The following RNF180 variants were observed in gnomAD, a reference collection of about 807,000 sequenced individuals.
The protein encoded by RNF180 is E3 ubiquitin-protein ligase RNF180.
Under a neutral mutation model 59.2 loss-of-function variants are expected in RNF180, and 38 were observed. The observed-to-expected ratio is 0.64, with a 90% CI of 0.50 to 0.84. RNF180 has a LOEUF of 0.84. RNF180 is among the 40% of genes least tolerant of loss of function. The pLI is 0.00. For synonymous variants in RNF180, 262 were observed against 240.3 expected (o/e 1.09, Z -0.84); for missense variants, 705 against 700.9 (o/e 1.01, Z -0.07).
chr5:64,363,816 G>A (rs1261435898), intron 7 of RNF180, among the ~76,000 whole-genome samples: 2 of 151,770 alleles, frequency 1.3e-5, no homozygotes, highest in African/African-American at 4.8e-5. Context: ...CTGGTTAGCT[G>A]TATTCCTGGG....
At chr5:64,175,748 T>C (rs1436486590) in intron 1 of RNF180, among the ~76,000 whole-genome samples, 1 of 152,178 alleles carries the variant, frequency 6.6e-6, no homozygotes, top group East Asian at 1.9e-4. Context: ...ACAGAATATC[T>C]TTCTATATAT....
At chr5:64,236,887 A>G (rs897737575) in intron 5 of RNF180, among the ~76,000 whole-genome samples, 2 of 152,210 alleles carry the variant, frequency 1.3e-5, no homozygotes, top group Non-Finnish European at 1.5e-5. Flanking sequence ...GGGTGTGCAG[A>G]AAAGAATTGA....
intron 1 of RNF180, among the ~76,000 whole-genome samples, chr5:64,174,205 C>A (rs1750106221): frequency 6.6e-6 from 1 of 152,094 alleles, no homozygotes; most frequent in Non-Finnish European, 1.5e-5. Context: ...TCCATTCATT[C>A]TTTGATGGAC....
chr5:64,308,604 G>A (rs1218446748), intron 5 of RNF180, among the ~76,000 whole-genome samples: 3 of 151,668 alleles, frequency 2.0e-5, no homozygotes, highest in African/African-American at 7.3e-5. Context: ...GTGGGAGTTG[G>A]TAGTGTTTCC....
intron 5 of RNF180, among the ~76,000 whole-genome samples, chr5:64,311,453 T>A (rs142225990): frequency 1.3e-5 from 2 of 151,760 alleles, no homozygotes; most frequent in African/African-American, 4.8e-5. Context: ...GGAAAAAAAA[T>A]AGATGGAGAT....
At chr5:64,313,816 A>G (rs1466979561) in intron 5 of RNF180, among the ~76,000 whole-genome samples, 2 of 151,902 alleles carry the variant, frequency 1.3e-5, no homozygotes, top group Admixed American at 1.3e-4. Context: ...ACTAGCATCT[A>G]TGATTTTTTA....
Position 64,190,412 on chromosome 5 carries a change from T to C in RNF180, c.1-10396T>C, listed in dbSNP as rs1003268410. On this transcript the variant is annotated intron_variant, in intron 1 of 7. Coordinates refer to ENST00000389100, the MANE Select transcript of RNF180 (RefSeq NM_001113561.2). ...AGGAATTTTGCCTCGTGATTAGTTA[T>C]ACCTTGAGTCTCATCCATACCTGAT... Among the ~76,000 whole-genome samples, 5 of 152,198 alleles carry C rather than the reference T, an allele frequency of 3.3e-5. No homozygotes were observed. In the East Asian group the frequency reaches 7.7e-4, roughly 23 times the overall value.
At chr5:64,268,500 GTGTA>G in intron 5 of RNF180, among the ~76,000 whole-genome samples, 1 of 152,164 alleles carries the variant, frequency 6.6e-6, no homozygotes, top group East Asian at 1.9e-4. Flanking sequence ...GAACCTACTT[GTGTA>G]TGTATGCTCT....
At chr5:64,254,454 G>T (rs1300910438) in intron 5 of RNF180, among the ~76,000 whole-genome samples, 2 of 152,014 alleles carry the variant, frequency 1.3e-5, no homozygotes, top group Non-Finnish European at 2.9e-5. Context: ...TTTATGCCTT[G>T]GGGAGATCAG....
intron 2 of RNF180, among the ~76,000 whole-genome samples, chr5:64,211,581 G>T (rs1481793529): frequency 6.6e-6 from 1 of 152,102 alleles, no homozygotes; most frequent in Non-Finnish European, 1.5e-5. Context: ...ATGCCAAGGA[G>T]GCCTGTTTTG....
intron 6 of RNF180, among the ~76,000 whole-genome samples, chr5:64,329,905 C>G (rs144860149): frequency 6.6e-6 from 1 of 152,320 alleles, no homozygotes; most frequent in Non-Finnish European, 1.5e-5. Flanking sequence ...CTGTGTGGCC[C>G]AGTTCCTAAC....
chr5:64,269,482 A>C (rs1580150593), intron 5 of RNF180, among the ~76,000 whole-genome samples: 1 of 152,170 alleles, frequency 6.6e-6, no homozygotes, highest in East Asian at 1.9e-4. Flanking sequence ...CTCATAGAAT[A>C]CTACCGTCTC....
intron 5 of RNF180, among the ~76,000 whole-genome samples, chr5:64,237,060 A>G (rs1742487516): frequency 6.6e-6 from 1 of 152,234 alleles, no homozygotes; most frequent in African/African-American, 2.4e-5. Context: ...CCACTGGAGC[A>G]CTGCCTAGGG....
intron 7 of RNF180, among the ~76,000 whole-genome samples, chr5:64,344,003 C>CA (rs933054959): frequency 1.3e-5 from 2 of 151,532 alleles, no homozygotes; most frequent in African/African-American, 4.8e-5. Context: ...TAAATCTCAG[C>CA]ATAGCCTAAT....
chr5:64,332,035 C>G (rs924445824), intron 7 of RNF180, among the ~76,000 whole-genome samples: 1 of 152,196 alleles, frequency 6.6e-6, no homozygotes, highest in African/African-American at 2.4e-5. Flanking sequence ...TGGCTGTGCA[C>G]AGTGGCTGGA....
intron 5 of RNF180, among the ~76,000 whole-genome samples, chr5:64,243,658 C>T (rs537015369): frequency 6.4e-4 from 97 of 152,284 alleles, no homozygotes; most frequent in African/African-American, 2.1e-3. Context: ...TGGCTGTGGG[C>T]ACAGCTTCAG....
At position 64,175,061 on chromosome 5, in the gene RNF180, G is replaced by A. The variant is rs188419129; in HGVS notation, c.-1+9108G>A. Reference sequence around the variant, plus strand: ...CGGCTCACTGCAACTTCCACCTCCCGGGTTCAAATGATTCTCCTGCCTCAG... The same window carrying A: ...CGGCTCACTGCAACTTCCACCTCCCAGGTTCAAATGATTCTCCTGCCTCAG... On this transcript the variant is annotated intron_variant, in intron 1 of 7. Coordinates refer to ENST00000389100, the MANE Select transcript of RNF180 (RefSeq NM_001113561.2). Among the ~76,000 whole-genome samples the A allele has an allele frequency of 3.7e-3, 513 of 138,010 alleles. 3 individuals are homozygous for A. Among genetic ancestry groups the A allele is most frequent in the African/African-American group, 0.013 (464 of 35,798 alleles). The allele number at this position is 138,010 out of a possible 152,430, so 90.5% of individuals were successfully genotyped here.
At chr5:64,278,075 A>G (rs1741822710) in intron 5 of RNF180, among the ~76,000 whole-genome samples, 1 of 152,222 alleles carries the variant, frequency 6.6e-6, no homozygotes, top group Non-Finnish European at 1.5e-5. Context: ...TTTTACAGTT[A>G]GAAAATAAAT....
chr5:64,257,906 T>G (rs1236579969), intron 5 of RNF180, among the ~76,000 whole-genome samples: 1 of 152,176 alleles, frequency 6.6e-6, no homozygotes, highest in East Asian at 1.9e-4. Context: ...GATACTCTTC[T>G]CAGGGCCACG....
Sources: allele counts gnomAD v4.1 joint callset (sites outside exome capture counted in the v4.1 genomes callset), GRCh38; gene constraint gnomAD v4.1.1; transcripts MANE v1.5; gene names NCBI Gene and HGNC (gene_info 2026-07-23, HGNC 2026-07-21).